Variants in RECQL observed in about 807,000 individuals in gnomAD.
RECQL encodes ATP-dependent DNA helicase Q1.
Under a neutral mutation model 75.8 loss-of-function variants are expected in RECQL, and 73 were observed. The ratio of observed to expected loss-of-function variants is 0.96; its 90% CI spans 0.80 to 1.17. The LOEUF (loss-of-function observed/expected upper bound fraction) is 1.17. RECQL is among the 50% of genes most tolerant of loss of function. RECQL has a pLI of 0.00. For synonymous variants in RECQL, 248 were observed against 254.4 expected (o/e 0.97, Z 0.24); for missense variants, 699 against 772.1 (o/e 0.91, Z 1.12).
Position 21,476,959 on chromosome 12 carries a change from T to C in RECQL, c.901A>G (p.Ile301Val). Reference sequence around the variant, plus strand: ...TTAATGAGCTTTACAATATCCTCAATAAAATCTTCAGTGTTTGAGGGCTTC... The same window carrying C: ...TTAATGAGCTTTACAATATCCTCAACAAAATCTTCAGTGTTTGAGGGCTTC... ...RQKPSNTEDF[I>V]EDIVKLINGR... The change falls in exon 8 of 15, where the codon ATT (isoleucine) becomes GTT (valine). Residue 301 changes from isoleucine (I) to valine (V), a missense_variant. Transcript: ENST00000444129. 1 of 1,610,338 alleles carries C rather than the reference T, an allele frequency of 6.2e-7. No individual in the cohort carries two copies. The highest frequency in any genetic ancestry group is 8.5e-7 in the Non-Finnish European group (1 of 1,178,462).
At chr12:21,484,740 C>T (rs1306461046) in intron 5 of RECQL, among the ~76,000 whole-genome samples, 3 of 139,424 alleles carry the variant, frequency 2.2e-5, no homozygotes, top group African/African-American at 7.6e-5. Flanking sequence ...TTCAGCATTA[C>T]ATATATACAT....
rs370785080 is a variant in RECQL at position 21,471,619 on chromosome 12, G to A, written c.1476C>T (p.Tyr492=). 3.1e-6 allele frequency: 5 copies of A among 1,612,508 alleles called. No individual in the cohort carries two copies. The highest frequency in any genetic ancestry group is 1.3e-5 in the African/African-American group (1 of 74,890). ...TCAGGATCTTGATTAGATCTCTGCA[G>A]TACTCTGTTATGTTCTTTCTTTCAA... is the stretch of plus-strand genomic sequence containing the variant. ...SAFERKNITE[Y]CRDLIKILKQ... is the part of the protein sequence containing the mutation. The change falls in exon 13 of 15, where the codon TAC becomes TAT. Residue 492 remains tyrosine (Y), a synonymous_variant. Transcript: ENST00000444129.
intron 2 of RECQL, among the ~76,000 whole-genome samples, chr12:21,497,112 G>A (rs911200073): frequency 6.6e-6 from 1 of 152,174 alleles, no homozygotes; most frequent in African/African-American, 2.4e-5. Flanking sequence ...TGTGACCTGT[G>A]CTGCCTATCA....
rs762736004 is a variant in RECQL at position 21,476,994 on chromosome 12, TA to T, written c.868-3del. ...AGTGTTTGAGGGCTTCTGCCGAACC[TA>T]AAAAAAACTTAACTTATTAAAAAGT... On this transcript the variant is annotated splice_polypyrimidine_tract_variant and splice_region_variant and intron_variant, in intron 7 of 14. Transcript: ENST00000444129. 15 of 1,599,306 alleles carry T rather than the reference TA, an allele frequency of 9.4e-6. No homozygotes were observed. The highest frequency in any genetic ancestry group is 6.9e-5 in the Admixed American group (4 of 57,748).
At chr12:21,476,509 C>G (rs1257222636) in intron 8 of RECQL, among the ~76,000 whole-genome samples, 1 of 152,082 alleles carries the variant, frequency 6.6e-6, no homozygotes, top group East Asian at 1.9e-4. Flanking sequence ...GTATGTACTA[C>G]TGGATTTATT....
chr12:21,491,225 T>C (rs1943405273), intron 3 of RECQL, among the ~76,000 whole-genome samples: 1 of 152,114 alleles, frequency 6.6e-6, no homozygotes, highest in Non-Finnish European at 1.5e-5. Context: ...GGAGTTTGAA[T>C]TTTTTTTCTT....
At chr12:21,483,612 C>T (rs751197039) in intron 5 of RECQL, 38 bp from the exon 6 acceptor site, 8 of 1,436,516 alleles carry the variant, frequency 5.6e-6, no homozygotes, top group Non-Finnish European at 1.9e-6. Context: ...GATAGTAAAA[C>T]TAAGCTAGCA....
intron 2 of RECQL, among the ~76,000 whole-genome samples, chr12:21,497,644 A>G (rs1451276961): frequency 1.3e-5 from 2 of 152,336 alleles, no homozygotes; most frequent in East Asian, 3.9e-4. Context: ...GTGTGAAGGT[A>G]TTTGTGTCCA....
At chr12:21,473,234 C>T (rs12371829) in intron 12 of RECQL, among the ~76,000 whole-genome samples, 16,759 of 151,920 alleles carry the variant, frequency 0.11, 1,046 homozygotes, top group East Asian at 0.31. Context: ...TTTTTTGAGA[C>T]GGAGTCTCGC....
At chr12:21,492,339 C>A (rs1198924326) in intron 2 of RECQL, among the ~76,000 whole-genome samples, 1 of 152,276 alleles carries the variant, frequency 6.6e-6, no homozygotes, top group African/African-American at 2.4e-5. Context: ...TGATTCTAAT[C>A]AATCTAAGTA....
intron 12 of RECQL, among the ~76,000 whole-genome samples, chr12:21,472,788 G>A (rs1197650856): frequency 6.6e-6 from 1 of 152,056 alleles, no homozygotes; most frequent in Non-Finnish European, 1.5e-5. Flanking sequence ...AATCTCCGAT[G>A]ACTAGCCATT....
In RECQL at chr12:21,477,081, A is replaced by G. The variant is rs3759233; in HGVS notation, c.868-89T>C. 0.013 allele frequency: 10,512 copies of G among 835,432 alleles called. 285 individuals carry two copies. The highest frequency in any genetic ancestry group is 0.094 in the African/African-American group (5,419 of 57,470). 51.8% of individuals were successfully genotyped at this position (835,432 alleles called of 1,614,324 possible). Reference sequence around the variant, plus strand: ...ACAACTTTCAGGATGCAGTTCTTTCATGACCATAGTGTTTTTTTTCCTATT... The same window carrying G: ...ACAACTTTCAGGATGCAGTTCTTTCGTGACCATAGTGTTTTTTTTCCTATT... On this transcript the variant is annotated intron_variant, in intron 7 of 14. Coordinates refer to ENST00000444129, the MANE Select transcript of RECQL (RefSeq NM_002907.4).
chr12:21,471,384 C>A (rs746016781), intron 13 of RECQL, 44 bp downstream of exon 13: 19 of 1,535,776 alleles, frequency 1.2e-5, no homozygotes, highest in Middle Eastern at 1.7e-4. Flanking sequence ...TAAAAAAAAA[C>A]CATAAAGACA....
At chr12:21,497,017 C>T (rs1357925545) in intron 2 of RECQL, among the ~76,000 whole-genome samples, 1 of 152,202 alleles carries the variant, frequency 6.6e-6, no homozygotes, top group East Asian at 1.9e-4. Flanking sequence ...GAGCAAAGCT[C>T]TTTGCCATTA....
At position 21,473,676 on chromosome 12, in the gene RECQL, G is replaced by A. The variant is rs1287626143; in HGVS notation, c.1356-34C>T. The A allele has an allele frequency of 6.4e-6, 10 of 1,554,562 alleles. No homozygotes were observed. The East Asian group carries it at 2.3e-4, about 36-fold the overall frequency. ...ACATTTAAAGATACAAATTATTAAA[G>A]GATATAATAAAGTTTTAAGAATCTC... On this transcript the variant is annotated intron_variant, in intron 11 of 14. Transcript: ENST00000444129.
chr12:21,495,003 G>A (rs112945110), intron 2 of RECQL, among the ~76,000 whole-genome samples: 4 of 152,348 alleles, frequency 2.6e-5, no homozygotes, highest in South Asian at 2.1e-4. Context: ...TGGTCTGACC[G>A]ACAAGATCTT....
intron 8 of RECQL, 71 bp from the exon 9 acceptor site, chr12:21,475,895 T>C (rs1395994424): frequency 8.0e-7 from 1 of 1,247,040 alleles, no homozygotes; most frequent in Non-Finnish European, 1.2e-6. Context: ...AACACACACA[T>C]TCAGGACATT....
At chr12:21,474,552 A>G (rs1035328030) in intron 11 of RECQL, among the ~76,000 whole-genome samples, 3 of 152,078 alleles carry the variant, frequency 2.0e-5, no homozygotes, top group Non-Finnish European at 2.9e-5. Context: ...AAATCATGTA[A>G]CTGTACAGCA....
In RECQL at chr12:21,486,470, G is replaced by A; in HGVS notation, c.501+9C>T. 1.9e-6 allele frequency: 3 copies of A among 1,548,848 alleles called. No individual in the cohort carries two copies. Among genetic ancestry groups the A allele is most frequent in the South Asian group, 1.3e-5 (1 of 79,302 alleles). On this transcript the variant is annotated intron_variant, in intron 5 of 14. Transcript: ENST00000444129. The stretch of plus-strand genomic sequence containing the variant: ...TTACATTAAAAAAAAAAAAGCCACT[G>A]AAACATACCTTAGAACTAGAAGCAT...
Sources: allele counts gnomAD v4.1 joint callset (sites outside exome capture counted in the v4.1 genomes callset), GRCh38; gene constraint gnomAD v4.1.1; transcripts MANE v1.5; gene names NCBI Gene and HGNC (gene_info 2026-07-23, HGNC 2026-07-21).